SLC4A4: variants seen among roughly 807,000 people sequenced by gnomAD.
SLC4A4 encodes electrogenic sodium bicarbonate cotransporter 1.
In SLC4A4, 27 loss-of-function variants were observed where a neutral mutation model predicts 111.5. The observed-to-expected ratio is 0.24, with a 90% CI of 0.18 to 0.33. SLC4A4 has a LOEUF of 0.33. SLC4A4 is among the 10% of genes least tolerant of loss of function. SLC4A4 has a pLI of 1.00. For synonymous variants in SLC4A4, 443 were observed against 463.4 expected, an observed-to-expected ratio of 0.96 and a Z score of 0.57; for missense variants, 909 against 1,315.5, an observed-to-expected ratio of 0.69 and a Z score of 4.78.
chr4:71,145,580 A>ATT (rs200046072), intron 2 of SLC4A4, among the ~76,000 whole-genome samples: 1 of 151,698 alleles, frequency 6.6e-6, no homozygotes, highest in Non-Finnish European at 1.5e-5. Context: ...CTGGTCCTGG[A>ATT]TTTTTTTTAG....
intron 3 of SLC4A4, among the ~76,000 whole-genome samples, chr4:71,285,430 T>A (rs16846215): frequency 0.026 from 3,891 of 152,170 alleles, 191 homozygotes; most frequent in African/African-American, 0.088. Flanking sequence ...CCTGTATTGA[T>A]CACAGTCCTC....
chr4:71,101,712 T>C (rs1367913252), intron 2 of SLC4A4, among the ~76,000 whole-genome samples: 1 of 152,186 alleles, frequency 6.6e-6, no homozygotes, highest in African/African-American at 2.4e-5. Flanking sequence ...CTGAAGGTCC[T>C]GTCTGTTAGA....
intron 2 of SLC4A4, among the ~76,000 whole-genome samples, chr4:71,121,377 G>A (rs533538619): frequency 5.6e-4 from 86 of 152,344 alleles, no homozygotes; most frequent in East Asian, 9.7e-4. Flanking sequence ...TGGGACTGGC[G>A]GGCAGCTCCG....
intron 3 of SLC4A4, among the ~76,000 whole-genome samples, chr4:71,334,601 A>G (rs185299913): frequency 6.6e-6 from 1 of 152,302 alleles, no homozygotes; most frequent in African/African-American, 2.4e-5. Context: ...GTTGCAAACT[A>G]GTTTATGACA....
intron 12 of SLC4A4, among the ~76,000 whole-genome samples, chr4:71,456,010 A>G (rs968220690): frequency 6.6e-6 from 1 of 152,206 alleles, no homozygotes; most frequent in Non-Finnish European, 1.5e-5. Flanking sequence ...TAAAGATTTC[A>G]AGAGGAACGT....
At chr4:71,369,790 A>G (rs2148931163) in intron 6 of SLC4A4, among the ~76,000 whole-genome samples, 1 of 152,302 alleles carries the variant, frequency 6.6e-6, no homozygotes, top group South Asian at 2.1e-4. Flanking sequence ...AGTATATGTG[A>G]TATAATTTTT....
chr4:71,172,779 G>T (rs534336366), intron 2 of SLC4A4, among the ~76,000 whole-genome samples: 2 of 152,214 alleles, frequency 1.3e-5, no homozygotes, highest in East Asian at 3.9e-4. Flanking sequence ...TGAAACACCA[G>T]CACCACCATC....
chr4:71,448,294 T>C (rs1725426755), intron 9 of SLC4A4, among the ~76,000 whole-genome samples: 1 of 136,098 alleles, frequency 7.3e-6, no homozygotes. Flanking sequence ...CACTCCAGCC[T>C]GGGCAACAGA....
At chr4:71,383,152 A>T (rs1718318673) in intron 6 of SLC4A4, among the ~76,000 whole-genome samples, 1 of 152,160 alleles carries the variant, frequency 6.6e-6, no homozygotes, top group Admixed American at 6.5e-5. Context: ...TAAATATAGG[A>T]AAGTATATAT....
At chr4:71,490,177 G>A (rs1254687583) in intron 15 of SLC4A4, among the ~76,000 whole-genome samples, 1 of 151,716 alleles carries the variant, frequency 6.6e-6, no homozygotes, top group Admixed American at 6.6e-5. Flanking sequence ...GCCACAGCTT[G>A]TTCACACTGT....
At chr4:71,434,379 C>T (rs534118149) in intron 7 of SLC4A4, 1 of 179,870 alleles carries the variant, frequency 5.6e-6, no homozygotes, top group East Asian at 1.4e-4. Flanking sequence ...AAAAAAAACC[C>T]TTCAGACTGG....
intron 20 of SLC4A4, among the ~76,000 whole-genome samples, chr4:71,549,895 G>A (rs1010420874): frequency 1.3e-4 from 20 of 151,874 alleles, no homozygotes; most frequent in African/African-American, 4.8e-4. Context: ...ACCCCTGATA[G>A]GCAAAGTGCC....
chr4:71,486,534 T>G (rs1729420036), intron 14 of SLC4A4, among the ~76,000 whole-genome samples: 1 of 151,598 alleles, frequency 6.6e-6, no homozygotes, highest in Non-Finnish European at 1.5e-5. Context: ...TATTTAAGTC[T>G]TAATTAGTAA....
chr4:71,532,822 C>G (rs1390305630), intron 17 of SLC4A4, among the ~76,000 whole-genome samples: 1 of 152,084 alleles, frequency 6.6e-6, no homozygotes, highest in African/African-American at 2.4e-5. Context: ...AGTTAGAACC[C>G]AAGCCTCCAG....
At chr4:71,225,118 T>C (rs1718967699) in intron 1 of SLC4A4, among the ~76,000 whole-genome samples, 1 of 152,062 alleles carries the variant, frequency 6.6e-6, no homozygotes, top group South Asian at 2.1e-4. Flanking sequence ...TTGGGAGGCC[T>C]GGGTGGGTGG....
chr4:71,250,069 A>G (rs1288548712), intron 2 of SLC4A4, among the ~76,000 whole-genome samples: 1 of 152,052 alleles, frequency 6.6e-6, no homozygotes, highest in Non-Finnish European at 1.5e-5. Flanking sequence ...CAACAAGTAA[A>G]GTCTTTGCAG....
At chr4:71,189,205 G>A (rs534465066) in intron 1 of SLC4A4, among the ~76,000 whole-genome samples, 8 of 152,246 alleles carry the variant, frequency 5.3e-5, no homozygotes, top group Middle Eastern at 3.4e-3. Context: ...TCAGAATGAG[G>A]GTTTTGGTGC....
intron 20 of SLC4A4, among the ~76,000 whole-genome samples, chr4:71,550,693 C>T (rs993052661): frequency 6.6e-6 from 1 of 151,834 alleles, no homozygotes; most frequent in Non-Finnish European, 1.5e-5. Context: ...TGAAATGGCT[C>T]AACACCATTT....
intron 2 of SLC4A4, among the ~76,000 whole-genome samples, chr4:71,096,173 T>C (rs1230799537): frequency 6.6e-6 from 1 of 152,036 alleles, no homozygotes; most frequent in Non-Finnish European, 1.5e-5. Flanking sequence ...AAATGCATCA[T>C]AGGAACAAGG....
Sources: gnomAD v4.1 joint callset for allele counts (sites outside exome capture counted in the v4.1 genomes callset) on GRCh38, gnomAD v4.1.1 for gene constraint, MANE v1.5 for transcripts, NCBI Gene and HGNC (gene_info 2026-07-23, HGNC 2026-07-21) for gene names.